Variants in IL1RAPL2 observed in about 807,000 individuals in gnomAD.
IL1RAPL2 encodes the protein X-linked interleukin-1 receptor accessory protein-like 2.
IL1RAPL2 carries 3 observed loss-of-function variants against 44.1 expected under a neutral mutation model. The observed-to-expected ratio is 0.07, with a 90% CI of 0.03 to 0.18. The LOEUF (loss-of-function observed/expected upper bound fraction) is 0.18, where lower values mean the gene tolerates loss of function less well. IL1RAPL2 is among the 10% of genes least tolerant of loss of function. The pLI, the probability that IL1RAPL2 is intolerant of heterozygous loss-of-function variation, is 1.00. For missense variants in IL1RAPL2, 391 were observed against 496.4 expected (o/e 0.79, Z 2.02); for synonymous variants, 181 against 178.8 (o/e 1.01, Z -0.10).
At chrX:105,164,932 A>G (rs892672350) in intron 2 of IL1RAPL2, among the ~76,000 whole-genome samples, 14 of 111,848 alleles carry the variant, frequency 1.3e-4, no homozygotes, top group Non-Finnish European at 2.6e-4. Flanking sequence ...CTATTATAAT[A>G]TTTAAATCCT....
intron 2 of IL1RAPL2, among the ~76,000 whole-genome samples, chrX:104,748,059 G>T (rs1932204468): frequency 9.0e-6 from 1 of 111,350 alleles, no homozygotes; most frequent in Non-Finnish European, 1.9e-5. Context: ...TGTGGAAGAT[G>T]GTTCATTTAC....
chrX:105,395,512 A>G (rs1000285567), intron 5 of IL1RAPL2, among the ~76,000 whole-genome samples: 1 of 111,206 alleles, frequency 9.0e-6, no homozygotes, highest in African/African-American at 3.3e-5. Flanking sequence ...CCAGATGTAT[A>G]GAGCCCTGGA....
chrX:105,351,159 T>A (rs1217709474), intron 5 of IL1RAPL2, among the ~76,000 whole-genome samples: 1 of 111,664 alleles, frequency 9.0e-6, no homozygotes, highest in Non-Finnish European at 1.9e-5. Context: ...ACAGGAACAC[T>A]TTTACACTGT....
At chrX:105,486,985 G>A (rs1007604990) in intron 6 of IL1RAPL2, among the ~76,000 whole-genome samples, 9 of 107,315 alleles carry the variant, frequency 8.4e-5, no homozygotes, top group African/African-American at 2.7e-4. Flanking sequence ...CCAGCTACTC[G>A]GGAGGCTGAG....
chrX:104,658,561 CTA>C (rs1453779550), intron 1 of IL1RAPL2, among the ~76,000 whole-genome samples: 3 of 112,084 alleles, frequency 2.7e-5, no homozygotes, highest in African/African-American at 9.7e-5. Context: ...ACATGTATAC[CTA>C]TGTGACAAAC....
intron 2 of IL1RAPL2, among the ~76,000 whole-genome samples, chrX:104,891,149 C>G (rs1195602892): frequency 1.8e-5 from 2 of 110,448 alleles, no homozygotes; most frequent in Admixed American, 1.9e-4. Context: ...TTCTGTTCCA[C>G]TTCTCTATAT....
At chrX:104,751,791 T>C (rs1932263878) in intron 2 of IL1RAPL2, among the ~76,000 whole-genome samples, 1 of 111,421 alleles carries the variant, frequency 9.0e-6, no homozygotes, top group South Asian at 3.8e-4. Flanking sequence ...ATTATAATCT[T>C]ATGGATGCTT....
chrX:105,278,114 T>C (rs746341512), intron 5 of IL1RAPL2, among the ~76,000 whole-genome samples: 1 of 111,929 alleles, frequency 8.9e-6, no homozygotes, highest in African/African-American at 3.2e-5. Flanking sequence ...AGTCTTATTT[T>C]TCTGTAGAGT....
rs147943418 is a variant in IL1RAPL2 at position 105,477,605 on chromosome X, A to G, written c.698-6708A>G. Among the ~76,000 whole-genome samples the G allele has an allele frequency of 3.4e-3, 376 of 112,158 alleles. 1 individual carries two copies. Among genetic ancestry groups the G allele is most frequent in the African/African-American group, 0.012 (362 of 30,922 alleles). Reference sequence around the variant, plus strand: ...GGCTAAGCTTGGCAAATCTCCATTCATGATTACAGGAAATTTTTAAGGTAT... The same window carrying G: ...GGCTAAGCTTGGCAAATCTCCATTCGTGATTACAGGAAATTTTTAAGGTAT... On this transcript the variant is annotated intron_variant, in intron 5 of 10. Coordinates refer to ENST00000372582, the MANE Select transcript of IL1RAPL2 (RefSeq NM_017416.2).
intron 2 of IL1RAPL2, among the ~76,000 whole-genome samples, chrX:104,986,010 C>T (rs992537805): frequency 8.9e-6 from 1 of 112,138 alleles, no homozygotes; most frequent in Non-Finnish European, 1.9e-5. Context: ...ACCCATTTGC[C>T]TTTGACATCT....
chrX:104,786,969 C>CTCAT (rs1932802471), intron 2 of IL1RAPL2, among the ~76,000 whole-genome samples: 3 of 76,413 alleles, frequency 3.9e-5, no homozygotes, highest in Admixed American at 1.5e-4. Context: ...CTCTCTCTCT[C>CTCAT]TCTCTCTCTC....
At chrX:105,102,208 G>A (rs2032679835) in intron 2 of IL1RAPL2, among the ~76,000 whole-genome samples, 1 of 111,364 alleles carries the variant, frequency 9.0e-6, no homozygotes, top group South Asian at 3.8e-4. Context: ...TTCCAGTTTA[G>A]CTGACTAGTC....
intron 2 of IL1RAPL2, among the ~76,000 whole-genome samples, chrX:104,723,434 A>T (rs1158556657): frequency 9.0e-6 from 1 of 110,782 alleles, no homozygotes; most frequent in African/African-American, 3.3e-5. Flanking sequence ...CTTGCCAGAA[A>T]AAAAGACTGT....
Position 105,267,547 on chromosome X carries a change from A to G in IL1RAPL2, c.697+6A>G. Reference sequence around the variant, plus strand: ...AACTGAATTGAAAGTTACAGGTAGGAATCAGTTCTACAAAATTACGGCAAA... The same window carrying G: ...AACTGAATTGAAAGTTACAGGTAGGGATCAGTTCTACAAAATTACGGCAAA... On this transcript the variant is annotated splice_donor_region_variant and intron_variant, in intron 5 of 10. Transcript: ENST00000372582. 1 of 1,164,464 alleles carries G rather than the reference A, an allele frequency of 8.6e-7. No homozygotes were observed. Among genetic ancestry groups the G allele is most frequent in the Non-Finnish European group, 1.2e-6 (1 of 868,648 alleles).
At chrX:105,413,222 TGTG>T (rs1354953543) in intron 5 of IL1RAPL2, among the ~76,000 whole-genome samples, 1 of 111,994 alleles carries the variant, frequency 8.9e-6, no homozygotes, top group African/African-American at 3.2e-5. Flanking sequence ...TTTTTCCCCA[TGTG>T]GTAAACAGAA....
At chrX:104,776,810 TG>T (rs1482358510) in intron 2 of IL1RAPL2, among the ~76,000 whole-genome samples, 4 of 112,155 alleles carry the variant, frequency 3.6e-5, no homozygotes, top group African/African-American at 1.3e-4. Context: ...TTACATAATA[TG>T]GTATATTTGT....
In IL1RAPL2 at chrX:105,243,551, ATATATATATATGTGTG is replaced by A. The variant is rs1399008986; in HGVS notation, c.543+9559_543+9574del. The stretch of plus-strand genomic sequence containing the variant: ...AGATTTCATATATATATGTGTGTAT[ATATATATATATGTGTG>A]TATATATATATATATATGTGTATAT... On this transcript the variant is annotated intron_variant, in intron 4 of 10. Transcript: ENST00000372582. Among the ~76,000 whole-genome samples the A allele has an allele frequency of 0.032, 2,466 of 77,702 alleles. 90 individuals are homozygous for A. The African/African-American group carries it at 0.33, about 11-fold the overall frequency. The allele number at this position is 77,702 out of a possible 115,157, so 67.5% of individuals were successfully genotyped here. A position where few individuals can be genotyped will look rare whatever the true frequency, so the allele number is the denominator to read the frequency against.
intron 6 of IL1RAPL2, among the ~76,000 whole-genome samples, chrX:105,677,370 T>A (rs2037881330): frequency 8.9e-6 from 1 of 111,959 alleles, no homozygotes; most frequent in Admixed American, 9.5e-5. Context: ...CATCTATATA[T>A]ACTGCACATT....
chrX:105,678,407 A>AATC (rs940727663), intron 6 of IL1RAPL2, among the ~76,000 whole-genome samples: 4 of 111,975 alleles, frequency 3.6e-5, no homozygotes, highest in African/African-American at 1.3e-4. Context: ...TTTTGTTTGT[A>AATC]ATCACCCTGT....
Sources: gnomAD v4.1 joint callset for allele counts (sites outside exome capture counted in the v4.1 genomes callset) on GRCh38, gnomAD v4.1.1 for gene constraint, MANE v1.5 for transcripts, NCBI Gene and HGNC (gene_info 2026-07-23, HGNC 2026-07-21) for gene names.